Variants in PTGES2 observed in about 807,000 individuals in gnomAD.
PTGES2 encodes GATE-binding factor 1.
In PTGES2, 35 loss-of-function variants were observed where a neutral mutation model predicts 44.5. That is an observed-to-expected ratio of 0.79 (90% confidence interval 0.60 to 1.04). PTGES2 has a LOEUF of 1.04. Ranked by LOEUF, PTGES2 falls within the 50% of genes least tolerant of loss-of-function variation. PTGES2 has a pLI of 0.00. For synonymous variants in PTGES2, 221 were observed against 227.5 expected (o/e 0.97, Z 0.26); for missense variants, 517 against 521.4 (o/e 0.99, Z 0.08).
In PTGES2 at chr9:128,125,341, T is replaced by A. The variant is rs1245182503; in HGVS notation, c.380A>T (p.Tyr127Phe). 5 of 1,614,066 alleles carry A rather than the reference T, an allele frequency of 3.1e-6. No individual in the cohort carries two copies. The change falls in exon 2 of 7, where the codon TAC (tyrosine) becomes TTC (phenylalanine). Residue 127 changes from tyrosine to phenylalanine, a missense_variant. Transcript: ENST00000338961. ...CACAGGGTTCACCTCCACCACCTGGTAGGGCAGGGCATGGAAGTCGAGGAA... is the reference window on the plus strand; with the variant it reads ...CACAGGGTTCACCTCCACCACCTGGAAGGGCAGGGCATGGAAGTCGAGGAA... Reference protein sequence around the residue: ...RAFLDFHALPYQVVEVNPVRR... With the variant: ...RAFLDFHALPFQVVEVNPVRR...
Position 128,120,849 on chromosome 9 carries a change from CCCACAGGATGTAG to C in PTGES2, c.*283_*295del. ...CCTGCTGTCCTGTCGAGGGCCCCCA[CCCACAGGATGTAG>C]CCATGGGACAGCCACTGAGGGTCCA... On this transcript the variant is annotated 3_prime_UTR_variant, in exon 7 of 7. Coordinates refer to ENST00000338961, the MANE Select transcript of PTGES2 (RefSeq NM_025072.7). 1 of 425,560 alleles carries C rather than the reference CCCACAGGATGTAG, an allele frequency of 2.3e-6. No individual in the cohort carries two copies. The highest frequency in any genetic ancestry group is 4.2e-6 in the Non-Finnish European group (1 of 237,688). The allele number at this position is 425,560 out of a possible 1,614,324, so 26.4% of individuals were successfully genotyped here.
In PTGES2 at chr9:128,123,172, G is replaced by A. The variant is rs747716750; in HGVS notation, c.687-38C>T. On this transcript the variant is annotated intron_variant, in intron 4 of 6. Transcript: ENST00000338961. The surrounding 1 kb of genome is among the most constrained non-coding windows in gnomAD (Gnocchi z 4.4). ...GAGGGACTTCCTAAGCCAGGACCCG[G>A]GCTGTGTTGGGAGCAGGCTGCATTC... 4.4e-6 allele frequency: 7 copies of A among 1,590,098 alleles called. No individual in the cohort carries two copies. The highest frequency in any genetic ancestry group is 6.0e-6 in the Non-Finnish European group (7 of 1,171,048).
In PTGES2 at chr9:128,122,847, G is replaced by T. The variant is rs1834467996; in HGVS notation, c.887+87C>A. 4 of 1,426,616 alleles carry T rather than the reference G, an allele frequency of 2.8e-6. No homozygotes were observed. The Admixed American group carries it at 6.9e-5, about 25-fold the overall frequency. The allele number at this position is 1,426,616 out of a possible 1,614,324, so 88.4% of individuals were successfully genotyped here. On this transcript the variant is annotated intron_variant, in intron 5 of 6. Transcript: ENST00000338961. ...TGCCCTAGGCCTCGGCCTCCCGCTG[G>T]TCTCCTGAGGGGTGTGATGGGATCA...
Position 128,127,187 on chromosome 9 carries a change from A to C in PTGES2, c.279+252T>G, listed in dbSNP as rs1263367721. Among the ~76,000 whole-genome samples the C allele has an allele frequency of 1.2e-3, 99 of 85,418 alleles. No individual in the cohort carries two copies. The East Asian group carries it at 0.029, about 25-fold the overall frequency. 56.0% of individuals were successfully genotyped at this position (85,418 alleles called of 152,430 possible). On this transcript the variant is annotated intron_variant, in intron 1 of 6. Transcript: ENST00000338961. ...CCCTGTCTCGAAAACATAAATAAAC[A>C]AACCAAAAAAAAAAAAAAAAAAAAA...
Position 128,124,495 on chromosome 9 carries a change from G to C in PTGES2, c.533C>G (p.Ser178Trp). The C allele has an allele frequency of 1.2e-6, 2 of 1,613,534 alleles. No homozygotes were observed. Among genetic ancestry groups the C allele is most frequent in the Non-Finnish European group, 1.7e-6 (2 of 1,179,688 alleles). ...IISALKTYLV[S>W]GQPLEEIITY... ...TGGTCTCCGAGGGGCTCCTTACCCCGACACCAGGTAGGTCTTGAGGGCGCT... is the reference window on the plus strand; with the variant it reads ...TGGTCTCCGAGGGGCTCCTTACCCCCACACCAGGTAGGTCTTGAGGGCGCT... The change falls in exon 3 of 7, where the codon TCG (serine) becomes TGG (tryptophan). Residue 178 changes from serine to tryptophan, a missense_variant. By Grantham distance (177) the Ser-to-Trp change is radical. Coordinates refer to ENST00000338961, the MANE Select transcript of PTGES2 (RefSeq NM_025072.7).
In PTGES2 at chr9:128,123,759, C is replaced by T. The variant is rs201506360; in HGVS notation, c.629G>A (p.Trp210Ter). ...KEVTEFGNKY[W>*]LMLNEKEAQQ... is the part of the protein sequence containing the mutation. Reference sequence around the variant, plus strand: ...GGCCTCCTTCTCGTTGAGCATGAGCCAGTACTTATTGCCGAACTCGGTCAC... The same window carrying T: ...GGCCTCCTTCTCGTTGAGCATGAGCTAGTACTTATTGCCGAACTCGGTCAC... The change falls in exon 4 of 7, where the codon TGG (tryptophan) becomes TAG (stop). Residue 210 changes from tryptophan (W) to a stop codon, truncating the protein, a stop_gained. Transcript: ENST00000338961. LOFTEE classifies it high-confidence loss of function. The surrounding 1 kb of genome is among the most constrained non-coding windows in gnomAD (Gnocchi z 4.4). 9 of 1,614,140 alleles carry T rather than the reference C, an allele frequency of 5.6e-6. No homozygotes were observed. The Middle Eastern group carries it at 4.9e-4, about 89-fold the overall frequency.
chr9:128,125,150 T>C (rs1834569035), intron 2 of PTGES2, 94 bp downstream of exon 2: 1 of 1,164,114 alleles, frequency 8.6e-7, no homozygotes, highest in African/African-American at 1.5e-5. Context: ...GGATCACAAG[T>C]TCCTTCCCAG....
At chr9:128,122,276 C>G in intron 6 of PTGES2, 86 bp downstream of exon 6, 1 of 1,054,270 alleles carries the variant, frequency 9.5e-7, no homozygotes, top group African/African-American at 1.6e-5. Flanking sequence ...AAGATGCAAG[C>G]ACCGTCCAGG....
At chr9:128,122,644 A>T (rs1834459899) in intron 5 of PTGES2, 165 bp from the exon 6 acceptor site, 1 of 651,756 alleles carries the variant, frequency 1.5e-6, no homozygotes, top group African/African-American at 1.8e-5. Flanking sequence ...CCAGACGGGG[A>T]GGCTGTGGTA....
chr9:128,123,239 A>G lies in PTGES2; in HGVS notation c.687-105T>C. 9.8e-7 allele frequency: 1 copy of G among 1,020,444 alleles called. No individual in the cohort carries two copies. The allele number at this position is 1,020,444 out of a possible 1,614,324, so 63.2% of individuals were successfully genotyped here. ...TGCACGGGCGGGAAGCTGAAGCCTG[A>G]GCAGGAAGGTCTTTTTTTTTTTTTT... is the stretch of plus-strand genomic sequence containing the variant. On this transcript the variant is annotated intron_variant, in intron 4 of 6. Transcript: ENST00000338961. The surrounding 1 kb of genome is among the most constrained non-coding windows in gnomAD (Gnocchi z 4.4).
Position 128,121,026 on chromosome 9 carries a change from G to A in PTGES2, c.*119C>T, listed in dbSNP as rs1043943707. 36 of 1,314,312 alleles carry A rather than the reference G, an allele frequency of 2.7e-5. No individual in the cohort carries two copies. Among genetic ancestry groups the A allele is most frequent in the Admixed American group, 7.4e-5 (3 of 40,654 alleles). The allele number at this position is 1,314,312 out of a possible 1,614,324, so 81.4% of individuals were successfully genotyped here. A position where few individuals can be genotyped will look rare whatever the true frequency, so the allele number is the denominator to read the frequency against. ...GAAGCGAGAGGGCTGGTGGGGGTGC[G>A]TGGACAAGGGGCAGAATGATCCTGC... On this transcript the variant is annotated 3_prime_UTR_variant, in exon 7 of 7. Coordinates refer to ENST00000338961, the MANE Select transcript of PTGES2 (RefSeq NM_025072.7).
chr9:128,121,554 G>T (rs1035498014), intron 6 of PTGES2, among the ~76,000 whole-genome samples: 1 of 152,126 alleles, frequency 6.6e-6, no homozygotes, highest in Non-Finnish European at 1.5e-5. Flanking sequence ...GTCCTGAGAT[G>T]GGGGAGAAGA....
intron 6 of PTGES2, 45 bp downstream of exon 6, chr9:128,122,317 G>A (rs373803320): frequency 2.0e-6 from 3 of 1,506,636 alleles, no homozygotes; most frequent in Non-Finnish European, 2.8e-6. Flanking sequence ...CCACTCTGAG[G>A]ACAGAACCCT....
chr9:128,124,280 C>A (rs551645431), intron 3 of PTGES2: 8 of 431,964 alleles, frequency 1.9e-5, no homozygotes, highest in Admixed American at 3.5e-5. Context: ...GATGGAGCTT[C>A]GCCATGTTGG....
chr9:128,128,379 C>T (rs1195794715), upstream of PTGES2: 1 of 456,130 alleles, frequency 2.2e-6, no homozygotes, highest in Admixed American at 2.4e-5. Flanking sequence ...GCTGGGCTCC[C>T]CCGCCCTAGC....
chr9:128,128,097 C>G (rs971585388), upstream of PTGES2: 1 of 359,966 alleles, frequency 2.8e-6, no homozygotes, highest in Non-Finnish European at 5.4e-6. Context: ...ACAACTCCAG[C>G]CCTTCCTAGA....
Position 128,124,496 on chromosome 9 carries a change from A to G in PTGES2, c.532T>C (p.Ser178Pro), listed in dbSNP as rs1280721254. 7 of 1,613,536 alleles carry G rather than the reference A, an allele frequency of 4.3e-6. No homozygotes were observed. Among genetic ancestry groups the G allele is most frequent in the African/African-American group, 1.3e-5 (1 of 74,906 alleles). The change falls in exon 3 of 7, where the codon TCG becomes CCG. Residue 178 changes from serine to proline, a missense_variant. Transcript: ENST00000338961. ...GGTCTCCGAGGGGCTCCTTACCCCG[A>G]CACCAGGTAGGTCTTGAGGGCGCTG... Reference protein sequence around the residue: ...IISALKTYLVSGQPLEEIITY... With the variant: ...IISALKTYLVPGQPLEEIITY...
Position 128,123,802 on chromosome 9 carries a change from TCA to T in PTGES2, c.584_585del (p.Val195GlufsTer13). The T allele has an allele frequency of 6.2e-7, 1 of 1,614,160 alleles. No individual in the cohort carries two copies. The highest frequency in any genetic ancestry group is 8.5e-7 in the Non-Finnish European group (1 of 1,180,018). Reference protein sequence around the residue: ...IITYYPAMKAVNEQGKEVTEF... With the variant: ...IITYYPAMKAXNEQGKEVTEF... ...TCGGTCACCTCCTTGCCCTGCTCGT[TCA>T]CAGCCTTCATGGCTGGGTAGTAGGT... On this transcript the variant is annotated frameshift_variant, in exon 4 of 7. Transcript: ENST00000338961. LOFTEE classifies it high-confidence loss of function. This position sits in a 1 kb window ranked among gnomAD's most constrained non-coding sequence, Gnocchi z 4.4.
At chr9:128,126,152 C>T (rs1347007445) in intron 1 of PTGES2, among the ~76,000 whole-genome samples, 1 of 152,232 alleles carries the variant, frequency 6.6e-6, no homozygotes, top group African/African-American at 2.4e-5. Flanking sequence ...TGTAGACCAT[C>T]CCCCTGTGTT....
Sources: allele counts gnomAD v4.1 joint callset (sites outside exome capture counted in the v4.1 genomes callset), GRCh38; gene constraint gnomAD v4.1.1; non-coding constraint Gnocchi (gnomAD v3.1); transcripts MANE v1.5; gene names NCBI Gene and HGNC (gene_info 2026-07-23, HGNC 2026-07-21).